The following MYRIP variants were observed in gnomAD, a reference collection of about 807,000 sequenced individuals.
MYRIP encodes the protein rab effector MyRIP.
A neutral mutation model predicts 98.0 loss-of-function variants in MYRIP; 49 were observed. The observed-to-expected ratio is 0.50, with a 90% CI of 0.40 to 0.63. MYRIP has a LOEUF of 0.63. MYRIP is among the 30% of genes least tolerant of loss of function. The pLI is 0.00. For missense variants in MYRIP, 1,004 were observed against 1,058.2 expected (o/e 0.95, Z 0.71); for synonymous variants, 404 against 409.5 (o/e 0.99, Z 0.16).
intron 2 of MYRIP, among the ~76,000 whole-genome samples, chr3:39,993,025 A>G (rs1946219657): frequency 6.6e-6 from 1 of 152,214 alleles, no homozygotes; most frequent in East Asian, 1.9e-4. Flanking sequence ...ATATAACAGA[A>G]TACCACAGAC....
intron 2 of MYRIP, among the ~76,000 whole-genome samples, chr3:40,023,040 T>C (rs1190686268): frequency 6.6e-6 from 1 of 152,044 alleles, no homozygotes; most frequent in African/African-American, 2.4e-5. Flanking sequence ...GACACACATA[T>C]GGATTACACT....
chr3:40,091,048 C>T (rs1948728438), intron 3 of MYRIP, among the ~76,000 whole-genome samples: 1 of 152,198 alleles, frequency 6.6e-6, no homozygotes, highest in Non-Finnish European at 1.5e-5. Context: ...CAGCCCTCAG[C>T]AGGAAGCAGC....
intron 2 of MYRIP, among the ~76,000 whole-genome samples, chr3:39,972,638 T>C (rs553366115): frequency 2.0e-5 from 3 of 152,194 alleles, no homozygotes; most frequent in Non-Finnish European, 4.4e-5. Context: ...TTTTTTGACA[T>C]AGGGACATGT....
At chr3:40,046,908 C>T (rs1947680899) in intron 3 of MYRIP, among the ~76,000 whole-genome samples, 1 of 152,138 alleles carries the variant, frequency 6.6e-6, no homozygotes, top group Non-Finnish European at 1.5e-5. Context: ...AGAAAAGTCA[C>T]CAAATTTACT....
At chr3:40,058,270 G>A (rs1352087632) in intron 3 of MYRIP, among the ~76,000 whole-genome samples, 1 of 152,128 alleles carries the variant, frequency 6.6e-6, no homozygotes, top group Non-Finnish European at 1.5e-5. Context: ...GGATCATACA[G>A]TGAATGTTTG....
intron 3 of MYRIP, among the ~76,000 whole-genome samples, chr3:40,130,718 A>ATGTGTG (rs57689630): frequency 4.6e-5 from 7 of 150,608 alleles, no homozygotes; most frequent in Admixed American, 2.0e-4. Flanking sequence ...ATATATATAT[A>ATGTGTG]TGTGTGTGTG....
intron 4 of MYRIP, among the ~76,000 whole-genome samples, chr3:40,162,233 C>T (rs995008237): frequency 2.0e-5 from 3 of 151,972 alleles, no homozygotes; most frequent in Non-Finnish European, 4.4e-5. Flanking sequence ...AATGAATTTC[C>T]CACATGAGAG....
At chr3:39,892,452 G>A (rs962717485) in intron 1 of MYRIP, among the ~76,000 whole-genome samples, 6 of 152,174 alleles carry the variant, frequency 3.9e-5, no homozygotes, top group African/African-American at 1.4e-4. Flanking sequence ...GGTTCAGTGT[G>A]GACTAAGTTG....
chr3:39,865,127 C>G (rs1237443360), intron 1 of MYRIP, among the ~76,000 whole-genome samples: 1 of 152,142 alleles, frequency 6.6e-6, no homozygotes, highest in East Asian at 1.9e-4. Flanking sequence ...TGGACCCCTT[C>G]CTTACACTAT....
chr3:40,137,789 T>C (rs2125557396), intron 3 of MYRIP, among the ~76,000 whole-genome samples: 1 of 152,224 alleles, frequency 6.6e-6, no homozygotes, highest in East Asian at 1.9e-4. Flanking sequence ...ATATATGAGA[T>C]GAATAAGCAA....
intron 1 of MYRIP, among the ~76,000 whole-genome samples, chr3:39,853,888 G>C (rs1942212082): frequency 6.6e-6 from 1 of 152,098 alleles, no homozygotes. Context: ...ATGGTTTCAT[G>C]TCTTAGATTT....
At chr3:39,879,390 A>G (rs1379120352) in intron 1 of MYRIP, among the ~76,000 whole-genome samples, 1 of 142,700 alleles carries the variant, frequency 7.0e-6, no homozygotes, top group African/African-American at 2.6e-5. Flanking sequence ...TTTTTTTTCT[A>G]TTTCCTCACA....
At chr3:39,884,682 T>C in intron 1 of MYRIP, among the ~76,000 whole-genome samples, 1 of 152,140 alleles carries the variant, frequency 6.6e-6, no homozygotes, top group Admixed American at 6.6e-5. Context: ...ATCTTGCTTT[T>C]TGTACTTAAC....
intron 10 of MYRIP, among the ~76,000 whole-genome samples, chr3:40,198,313 G>A (rs1951456971): frequency 6.6e-6 from 1 of 152,152 alleles, no homozygotes; most frequent in Non-Finnish European, 1.5e-5. Flanking sequence ...TTTGGTGTTT[G>A]TTTTGCTTTG....
At chr3:40,097,661 G>A (rs1232578316) in intron 3 of MYRIP, among the ~76,000 whole-genome samples, 2 of 152,172 alleles carry the variant, frequency 1.3e-5, no homozygotes, top group African/African-American at 4.8e-5. Flanking sequence ...CCCTGGAGGT[G>A]GGGATTGAGA....
At chr3:40,156,549 T>G (rs1950245887) in intron 4 of MYRIP, among the ~76,000 whole-genome samples, 1 of 152,246 alleles carries the variant, frequency 6.6e-6, no homozygotes, top group Non-Finnish European at 1.5e-5. Context: ...GGTAGCTTGA[T>G]GGGGATGGCA....
At chr3:39,944,103 T>C (rs1219356685) in intron 2 of MYRIP, among the ~76,000 whole-genome samples, 1 of 152,150 alleles carries the variant, frequency 6.6e-6, no homozygotes, top group Non-Finnish European at 1.5e-5. Context: ...ATCATACTAT[T>C]GTAGGCTCAT....
chr3:39,847,422 A>AT (rs1247867351), intron 1 of MYRIP, among the ~76,000 whole-genome samples: 1 of 152,194 alleles, frequency 6.6e-6, no homozygotes, highest in East Asian at 1.9e-4. Context: ...CTTCATGTTC[A>AT]TAACAAAATA....
intron 2 of MYRIP, among the ~76,000 whole-genome samples, chr3:39,935,395 C>G (rs1203726742): frequency 6.6e-6 from 1 of 152,070 alleles, no homozygotes; most frequent in African/African-American, 2.4e-5. Flanking sequence ...TATTCATGAA[C>G]TGGGTGGGTT....
Sources: allele counts gnomAD v4.1 joint callset (sites outside exome capture counted in the v4.1 genomes callset), GRCh38; gene constraint gnomAD v4.1.1; transcripts MANE v1.5; gene names NCBI Gene and HGNC (gene_info 2026-07-23, HGNC 2026-07-21).